SNCAIP: variants seen among roughly 807,000 people sequenced by gnomAD.
SNCAIP encodes the protein synphilin-1.
SNCAIP carries 43 observed loss-of-function variants against 86.7 expected under a neutral mutation model. The ratio of observed to expected loss-of-function variants is 0.50; its 90% confidence interval spans 0.39 to 0.64. The LOEUF (loss-of-function observed/expected upper bound fraction) is 0.64, where lower values mean the gene tolerates loss of function less well. SNCAIP is among the 30% of genes least tolerant of loss of function. The pLI, the probability that SNCAIP is intolerant of heterozygous loss-of-function variation, is 0.00. For synonymous variants in SNCAIP, 417 were observed against 427.2 expected, an observed-to-expected ratio of 0.98 and a Z score of 0.29; for missense variants, 981 against 1,103.1, an observed-to-expected ratio of 0.89 and a Z score of 1.57.
chr5:122,349,671 T>C (rs1759373586), intron 1 of SNCAIP, among the ~76,000 whole-genome samples: 1 of 152,208 alleles, frequency 6.6e-6, no homozygotes, highest in Non-Finnish European at 1.5e-5. Context: ...AGTGTTTGTG[T>C]TTCTGAGAGG....
chr5:122,446,213 G>T (rs570672711), intron 8 of SNCAIP, among the ~76,000 whole-genome samples: 2 of 152,238 alleles, frequency 1.3e-5, no homozygotes, highest in South Asian at 4.1e-4. Context: ...CCTAGAAAAG[G>T]AATTGCTAGA....
At chr5:122,327,650 TAA>T (rs1754385702) in intron 1 of SNCAIP, among the ~76,000 whole-genome samples, 1 of 152,210 alleles carries the variant, frequency 6.6e-6, no homozygotes, top group South Asian at 2.1e-4. Context: ...ACCATGATTA[TAA>T]GTTTCCTGAG....
chr5:122,456,012 A>G (rs897797948), intron 10 of SNCAIP, among the ~76,000 whole-genome samples: 2 of 152,184 alleles, frequency 1.3e-5, no homozygotes, highest in Admixed American at 6.5e-5. Flanking sequence ...TGAAACATTC[A>G]TTTCCCAGAG....
chr5:122,349,155 C>T (rs1359955152), intron 1 of SNCAIP, among the ~76,000 whole-genome samples: 2 of 152,132 alleles, frequency 1.3e-5, no homozygotes, highest in Non-Finnish European at 2.9e-5. Context: ...TCAGTTGATT[C>T]CTTCGTTTAA....
chr5:122,423,601 A>C lies in SNCAIP; in HGVS notation c.864A>C (p.Ser288=), dbSNP rs1171805865. 4 of 1,614,026 alleles carry C rather than the reference A, an allele frequency of 2.5e-6. No individual in the cohort carries two copies. The highest frequency in any genetic ancestry group is 3.4e-6 in the Non-Finnish European group (4 of 1,180,032). ...TCAGGGCCTTCCACCTACAATCCTC[A>C]GCAGCAGAATCCAAACCAGAAGAGC... The part of the protein sequence containing the change: ...CQLRAFHLQS[S]AAESKPEEQV... Residue 288 remains serine (S), a synonymous_variant, in exon 4 of 11, where the codon TCA becomes TCC. Transcript: ENST00000261368.
At chr5:122,330,334 G>A (rs1157310023) in intron 1 of SNCAIP, among the ~76,000 whole-genome samples, 2 of 151,800 alleles carry the variant, frequency 1.3e-5, no homozygotes, top group Non-Finnish European at 2.9e-5. Context: ...TTTTAGCCGG[G>A]ATGGTCTCGA....
At chr5:122,459,015 G>A (rs1338846240) in intron 10 of SNCAIP, among the ~76,000 whole-genome samples, 1 of 152,152 alleles carries the variant, frequency 6.6e-6, no homozygotes, top group African/African-American at 2.4e-5. Context: ...AAAGGACTGA[G>A]CCTGTCTTCC....
intron 8 of SNCAIP, among the ~76,000 whole-genome samples, chr5:122,445,569 A>G (rs1330744322): frequency 6.6e-6 from 1 of 151,994 alleles, no homozygotes; most frequent in African/African-American, 2.4e-5. Flanking sequence ...TCAGTATTCA[A>G]AGTAATGTTG....
At position 122,425,529 on chromosome 5, in the gene SNCAIP, A is replaced by G; in HGVS notation, c.1180A>G (p.Lys394Glu). The G allele has an allele frequency of 6.2e-7, 1 of 1,613,610 alleles. No individual in the cohort carries two copies. Among genetic ancestry groups the G allele is most frequent in the Non-Finnish European group, 8.5e-7 (1 of 1,179,578 alleles). Reference sequence around the variant, plus strand: ...GTTGACTCCAGCAGGCCTGGCCATTAAGGTGACTGGTTGGGGGCTGGAACC... The same window carrying G: ...GTTGACTCCAGCAGGCCTGGCCATTGAGGTGACTGGTTGGGGGCTGGAACC... ...EKLTPAGLAI[K>E]NGQLECVRWM... Residue 394 changes from lysine (K) to glutamate (E), a missense_variant and splice_region_variant, in exon 5 of 11, where the codon AAG becomes GAG. By Grantham distance (56) the Lys-to-Glu change is moderately conservative (BLOSUM62 1). Transcript: ENST00000261368.
At chr5:122,325,899 A>C (rs1753918057) in intron 1 of SNCAIP, among the ~76,000 whole-genome samples, 1 of 152,214 alleles carries the variant, frequency 6.6e-6, no homozygotes, top group South Asian at 2.1e-4. Flanking sequence ...CAGAACTAAA[A>C]AGTGAAGTGA....
At chr5:122,410,610 T>G (rs6595365) in intron 3 of SNCAIP, among the ~76,000 whole-genome samples, 5,815 of 152,012 alleles carry the variant, frequency 0.038, 359 homozygotes, top group African/African-American at 0.13. Flanking sequence ...ATCATTTGAG[T>G]TCAGAAGTTC....
At chr5:122,459,587 A>C (rs1785622589) in intron 10 of SNCAIP, among the ~76,000 whole-genome samples, 1 of 152,188 alleles carries the variant, frequency 6.6e-6, no homozygotes, top group Non-Finnish European at 1.5e-5. Flanking sequence ...TAAATGCCTC[A>C]AGTTAATATT....
intron 1 of SNCAIP, among the ~76,000 whole-genome samples, chr5:122,339,734 G>A (rs60865236): frequency 0.01 from 1,586 of 152,220 alleles, 22 homozygotes; most frequent in African/African-American, 0.036. Context: ...TTTATGGAAC[G>A]CAAGCTGCTC....
intron 1 of SNCAIP, among the ~76,000 whole-genome samples, chr5:122,328,086 AG>A (rs1485900114): frequency 6.6e-6 from 1 of 152,254 alleles, no homozygotes; most frequent in Non-Finnish European, 1.5e-5. Flanking sequence ...TAAAATGTAT[AG>A]TACAGAGTAT....
At chr5:122,322,006 C>T (rs761231765) in intron 1 of SNCAIP, among the ~76,000 whole-genome samples, 13 of 151,646 alleles carry the variant, frequency 8.6e-5, no homozygotes, top group Non-Finnish European at 1.6e-4. Context: ...AAAACAAAAA[C>T]TCGTCCAGTG....
At chr5:122,377,518 GAGAA>G (rs932104840) in intron 1 of SNCAIP, among the ~76,000 whole-genome samples, 38 of 129,134 alleles carry the variant, frequency 2.9e-4, no homozygotes, top group East Asian at 7.0e-4. Context: ...GAGAGAGAGA[GAGAA>G]AGAAAGAAAG....
At chr5:122,351,536 C>CAAAAAGAAAAAAAAAA (rs1759797472) in intron 1 of SNCAIP, among the ~76,000 whole-genome samples, 1 of 36,492 alleles carries the variant, frequency 2.7e-5, no homozygotes, top group Non-Finnish European at 5.3e-5. Flanking sequence ...GACTCTGTAT[C>CAAAAAGAAAAAAAAAA]AAAAAAAAAA....
chr5:122,418,026 A>G (rs567847368), intron 3 of SNCAIP, among the ~76,000 whole-genome samples: 199 of 152,358 alleles, frequency 1.3e-3, no homozygotes, highest in African/African-American at 4.4e-3. Context: ...CAAAGGAGGT[A>G]ACCCCTGAGT....
intron 5 of SNCAIP, among the ~76,000 whole-genome samples, chr5:122,427,464 C>CTTAAT (rs559951145): frequency 4.1e-4 from 63 of 151,920 alleles, no homozygotes; most frequent in Middle Eastern, 3.4e-3. Context: ...GCTTTTCATA[C>CTTAAT]TTAACTTCCA....
Sources: allele counts gnomAD v4.1 joint callset (sites outside exome capture counted in the v4.1 genomes callset), GRCh38; gene constraint gnomAD v4.1.1; transcripts MANE v1.5; gene names NCBI Gene and HGNC (gene_info 2026-07-23, HGNC 2026-07-21).